The following GNA14 variants were observed in gnomAD, a reference collection of about 807,000 sequenced individuals.
The protein encoded by GNA14 is G protein subunit alpha 14.
GNA14 carries 50 observed loss-of-function variants against 42.0 expected under a neutral mutation model. That is an observed-to-expected ratio of 1.19 (90% confidence interval 0.95 to 1.51). The LOEUF (loss-of-function observed/expected upper bound fraction) is 1.51, where lower values mean the gene tolerates loss of function less well. Among genes scored for constraint, GNA14 ranks in the 40% most tolerant of loss-of-function variants. The pLI, the probability that GNA14 is intolerant of heterozygous loss-of-function variation, is 0.00. For synonymous variants in GNA14, 173 were observed against 163.1 expected (o/e 1.06, Z -0.46); for missense variants, 473 against 446.2 (o/e 1.06, Z -0.54).
At chr9:77,483,748 T>C (rs181665702) in intron 2 of GNA14, among the ~76,000 whole-genome samples, 221 of 152,228 alleles carry the variant, frequency 1.5e-3, no homozygotes, top group African/African-American at 5.2e-3. Flanking sequence ...ACATAAATCT[T>C]TGGACTGAAA....
rs572811424 is a variant in GNA14 at position 77,630,934 on chromosome 9, C to T, written c.124+16736G>A. 1.6e-4 allele frequency among the ~76,000 whole-genome samples: 25 copies of T among 152,242 alleles called. No individual in the cohort carries two copies. In the South Asian group the frequency reaches 5.0e-3, roughly 30 times the overall value. The stretch of plus-strand genomic sequence containing the variant: ...ACAGCATCATCCTATACCCTTCCCC[C>T]AACATTAGAGTCTATTTTTTTCTGC... On this transcript the variant is annotated intron_variant, in intron 1 of 6. Coordinates refer to ENST00000341700, the MANE Select transcript of GNA14 (RefSeq NM_004297.4).
intron 2 of GNA14, among the ~76,000 whole-genome samples, chr9:77,500,036 T>TGC (rs1836939876): frequency 6.6e-6 from 1 of 152,006 alleles, no homozygotes; most frequent in Non-Finnish European, 1.5e-5. Flanking sequence ...CTTTTTTTTT[T>TGC]TTTGAAACGG....
At chr9:77,536,218 G>A (rs970912082) in intron 1 of GNA14, among the ~76,000 whole-genome samples, 3 of 152,048 alleles carry the variant, frequency 2.0e-5, no homozygotes, top group South Asian at 2.1e-4. Context: ...ATTAATACAA[G>A]GCTTTCAAAA....
intron 1 of GNA14, among the ~76,000 whole-genome samples, chr9:77,576,675 G>A (rs1336488008): frequency 6.6e-6 from 1 of 151,964 alleles, no homozygotes; most frequent in Non-Finnish European, 1.5e-5. Context: ...TGCCCAGTCA[G>A]TAATTTATTA....
chr9:77,566,621 C>T (rs982778770), intron 1 of GNA14, among the ~76,000 whole-genome samples: 3 of 152,100 alleles, frequency 2.0e-5, no homozygotes, highest in Admixed American at 6.5e-5. Flanking sequence ...TAAATAAATC[C>T]AGCTAGAAGA....
intron 1 of GNA14, among the ~76,000 whole-genome samples, chr9:77,606,571 CAT>C (rs1418931582): frequency 6.6e-6 from 1 of 152,152 alleles, no homozygotes; most frequent in African/African-American, 2.4e-5. Flanking sequence ...ATGTCTCATG[CAT>C]ACTGGTAATG....
At chr9:77,436,110 A>AAT (rs1835635545) in intron 2 of GNA14, among the ~76,000 whole-genome samples, 1 of 152,222 alleles carries the variant, frequency 6.6e-6, no homozygotes, top group Non-Finnish European at 1.5e-5. Context: ...GGCTCATCCT[A>AAT]ACCAAGGACT....
At chr9:77,568,755 C>A (rs1209485460) in intron 1 of GNA14, among the ~76,000 whole-genome samples, 1 of 152,118 alleles carries the variant, frequency 6.6e-6, no homozygotes, top group South Asian at 2.1e-4. Flanking sequence ...GGGGGGCACT[C>A]CCTGGGTTAG....
chr9:77,620,779 T>C (rs1587850872), intron 1 of GNA14, among the ~76,000 whole-genome samples: 1 of 125,588 alleles, frequency 8.0e-6, no homozygotes, highest in African/African-American at 3.1e-5. Context: ...ACGCGCGAGG[T>C]GGAGGTTGCA....
At chr9:77,541,079 T>C (rs1837655115) in intron 1 of GNA14, among the ~76,000 whole-genome samples, 1 of 152,146 alleles carries the variant, frequency 6.6e-6, no homozygotes, top group African/African-American at 2.4e-5. Context: ...GTAGTATCAC[T>C]TGAGTCCTTT....
intron 1 of GNA14, among the ~76,000 whole-genome samples, chr9:77,581,338 C>T (rs1048429168): frequency 6.6e-6 from 1 of 152,190 alleles, no homozygotes. Context: ...AGTCCATAGC[C>T]AGACCTCCTG....
At chr9:77,481,848 T>C (rs923187689) in intron 2 of GNA14, among the ~76,000 whole-genome samples, 1 of 152,188 alleles carries the variant, frequency 6.6e-6, no homozygotes, top group African/African-American at 2.4e-5. Flanking sequence ...TAAAGTCTGT[T>C]TTATCAGAGA....
intron 5 of GNA14, 50 bp downstream of exon 5, chr9:77,428,857 C>A (rs756572029): frequency 1.3e-6 from 2 of 1,591,098 alleles, no homozygotes; most frequent in East Asian, 4.5e-5. Flanking sequence ...TTAGAAACCA[C>A]AGAATAGGCT....
intron 1 of GNA14, among the ~76,000 whole-genome samples, chr9:77,540,318 C>T (rs112334213): frequency 4.9e-4 from 74 of 151,960 alleles, no homozygotes; most frequent in African/African-American, 1.7e-3. Context: ...AGTTTTATTC[C>T]ATTGTGGTCT....
intron 2 of GNA14, among the ~76,000 whole-genome samples, chr9:77,505,500 G>A (rs1403907722): frequency 6.6e-6 from 1 of 152,192 alleles, no homozygotes; most frequent in East Asian, 1.9e-4. Flanking sequence ...AGTCCTTCAT[G>A]GCAGGATGAG....
chr9:77,495,738 C>G (rs985316534), intron 2 of GNA14, among the ~76,000 whole-genome samples: 6 of 152,146 alleles, frequency 3.9e-5, no homozygotes, highest in Non-Finnish European at 5.9e-5. Flanking sequence ...CTGAGAAATT[C>G]ACTACACACA....
chr9:77,579,656 C>T (rs1823184518), intron 1 of GNA14, among the ~76,000 whole-genome samples: 1 of 152,042 alleles, frequency 6.6e-6, no homozygotes, highest in Admixed American at 6.6e-5. Flanking sequence ...CTCTACATTT[C>T]CCCCCATATA....
At chr9:77,507,117 C>T (rs1467489131) in intron 2 of GNA14, among the ~76,000 whole-genome samples, 2 of 152,178 alleles carry the variant, frequency 1.3e-5, no homozygotes, top group Admixed American at 6.5e-5. Flanking sequence ...GCTAGTAAGT[C>T]TTCAGGCCAC....
rs1823890804 is a variant in GNA14, at chr9:77,619,653, T to C, written c.124+28017A>G. On this transcript the variant is annotated intron_variant, in intron 1 of 6. Transcript: ENST00000341700. ...CATCAGTAAAATGGACAAAGTATAG[T>C]GCATACCACAACAACTTGCAAGGAT... Among the ~76,000 whole-genome samples, 9 of 152,298 alleles carry C rather than the reference T, an allele frequency of 5.9e-5. 1 individual carries two copies. In the South Asian group the frequency reaches 1.9e-3, roughly 32 times the overall value.
Sources: gnomAD v4.1 joint callset for allele counts (sites outside exome capture counted in the v4.1 genomes callset) on GRCh38, gnomAD v4.1.1 for gene constraint, MANE v1.5 for transcripts, NCBI Gene and HGNC (gene_info 2026-07-23, HGNC 2026-07-21) for gene names.